Variants in PSG9 observed in about 807,000 individuals in gnomAD.
PSG9 encodes the protein pregnancy specific beta-1-glycoprotein 9.
A neutral mutation model predicts 41.9 loss-of-function variants in PSG9; 49 were observed. The observed-to-expected ratio is 1.17, with a 90% CI of 0.93 to 1.48. The LOEUF (loss-of-function observed/expected upper bound fraction) is 1.48. PSG9 is among the 40% of genes most tolerant of loss of function. The pLI is 0.00. For missense variants in PSG9, 641 were observed against 520.3 expected, an observed-to-expected ratio of 1.23 and a Z score of -2.26; for synonymous variants, 263 against 196.8, an observed-to-expected ratio of 1.34 and a Z score of -2.82.
At chr19:43,265,599 A>G (rs999590393) in intron 2 of PSG9, among the ~76,000 whole-genome samples, 36 of 152,074 alleles carry the variant, frequency 2.4e-4, no homozygotes, top group African/African-American at 8.5e-4. Flanking sequence ...CTAACCCCTG[A>G]TCCACTGGGG....
rs564190546 is a variant in PSG9, at chr19:43,257,466, C to T, written c.1243+736G>A. The T allele has an allele frequency of 2.0e-5, 20 of 977,082 alleles. 6 individuals are homozygous for T. The East Asian group carries it at 2.2e-3, about 107-fold the overall frequency. The allele number at this position is 977,082 out of a possible 1,614,324, so 60.5% of individuals were successfully genotyped here. A position where few individuals can be genotyped will look rare whatever the true frequency, so the allele number is the denominator to read the frequency against. ...CTCCAGCTCTGCATCAGTCACTGTC[C>T]TCCGTGCTGTGTCCCACGTGCTGTG... On this transcript the variant is annotated intron_variant, in intron 5 of 5. Transcript: ENST00000270077.
intron 2 of PSG9, among the ~76,000 whole-genome samples, chr19:43,264,871 T>A (rs1041602408): frequency 2.6e-5 from 4 of 152,142 alleles, no homozygotes; most frequent in Non-Finnish European, 5.9e-5. Context: ...CAGAAGTCTC[T>A]AGGAAGTGAC....
chr19:43,269,253 C>T, intron 1 of PSG9, 115 bp downstream of exon 1: 2 of 1,553,266 alleles, frequency 1.3e-6, no homozygotes, highest in South Asian at 1.1e-5. Flanking sequence ...ATCCACCCAC[C>T]TCAGCCTCCC....
At chr19:43,265,650 G>A (rs1237346370) in intron 2 of PSG9, among the ~76,000 whole-genome samples, 1 of 152,104 alleles carries the variant, frequency 6.6e-6, no homozygotes, top group Non-Finnish European at 1.5e-5. Flanking sequence ...CCTCCTGTTT[G>A]GCAGACTTGG....
At position 43,253,647 on chromosome 19, in the gene PSG9, C is replaced by G; in HGVS notation, c.1244-1G>C. 1 of 1,194,830 alleles carries G rather than the reference C, an allele frequency of 8.4e-7. No individual in the cohort carries two copies. The highest frequency in any genetic ancestry group is 1.2e-6 in the Non-Finnish European group (1 of 823,762). 74.0% of individuals were successfully genotyped at this position (1,194,830 alleles called of 1,614,324 possible). On this transcript the variant is annotated splice_acceptor_variant, in intron 5 of 5. Coordinates refer to ENST00000270077, the MANE Select transcript of PSG9 (RefSeq NM_002784.5). LOFTEE classifies it high-confidence loss of function. ...TCTGTCAGGTCTCCATGGCAGGGAC[C>G]TGATTGACAGAAGGCCCAGGTCAGT...
At chr19:43,255,586 T>A (rs1437884206) in intron 5 of PSG9, among the ~76,000 whole-genome samples, 1 of 146,832 alleles carries the variant, frequency 6.8e-6, no homozygotes. Flanking sequence ...TATAGATAAC[T>A]TGAACTTATA....
At chr19:43,258,565 C>G (rs1968550333) in intron 4 of PSG9, 109 bp from the exon 5 acceptor site, 8 of 1,426,878 alleles carry the variant, frequency 5.6e-6, no homozygotes, top group East Asian at 2.8e-5. Flanking sequence ...ACCCTCAAGT[C>G]CCAGCCAAAG....
chr19:43,266,782 C>T (rs1213302819), intron 2 of PSG9, among the ~76,000 whole-genome samples: 1 of 152,022 alleles, frequency 6.6e-6, no homozygotes, highest in Admixed American at 6.5e-5. Flanking sequence ...AGAGGATAGG[C>T]CTGTGGCTGC....
chr19:43,268,194 T>G (rs374808646), intron 1 of PSG9, 45 bp from the exon 2 acceptor site: 10 of 1,538,654 alleles, frequency 6.5e-6, no homozygotes, highest in South Asian at 1.3e-5. Context: ...ACCTATGTAT[T>G]GTGGTGAAAA....
intron 2 of PSG9, among the ~76,000 whole-genome samples, chr19:43,263,433 A>T (rs926108082): frequency 1.7e-4 from 26 of 152,108 alleles, no homozygotes; most frequent in South Asian, 4.1e-4. Flanking sequence ...GCCAGTGAGC[A>T]CTTCTTTTTA....
chr19:43,264,994 A>T (rs1968900440), intron 2 of PSG9, among the ~76,000 whole-genome samples: 1 of 152,108 alleles, frequency 6.6e-6, no homozygotes, highest in Non-Finnish European at 1.5e-5. Flanking sequence ...CACCCTGGTT[A>T]GTCAGGGCAG....
At chr19:43,262,614 G>A (rs968350336) in intron 2 of PSG9, among the ~76,000 whole-genome samples, 2 of 152,138 alleles carry the variant, frequency 1.3e-5, no homozygotes, top group African/African-American at 4.8e-5. Context: ...AACCCTTTGG[G>A]TATTGGAAAG....
intron 5 of PSG9, among the ~76,000 whole-genome samples, chr19:43,255,828 C>A (rs1189996600): frequency 6.8e-6 from 1 of 146,020 alleles, no homozygotes; most frequent in Non-Finnish European, 1.5e-5. Context: ...CTGAAATCTA[C>A]AAAATATTGC....
At chr19:43,264,007 G>C (rs1312542699) in intron 2 of PSG9, among the ~76,000 whole-genome samples, 1 of 152,106 alleles carries the variant, frequency 6.6e-6, no homozygotes, top group South Asian at 2.1e-4. Flanking sequence ...CTTAAGCTCA[G>C]GAAACACCAC....
chr19:43,259,934 A>G (rs1968630240), intron 3 of PSG9: 1 of 147,234 alleles, frequency 6.8e-6, no homozygotes. Context: ...CTTTCCAGAA[A>G]TACATGTGGA....
chr19:43,260,864 T>A (rs995702654), intron 3 of PSG9: 4 of 152,084 alleles, frequency 2.6e-5, no homozygotes, highest in African/African-American at 4.8e-5. Flanking sequence ...ATTGATATCA[T>A]CTTTAATTTC....
intron 2 of PSG9, among the ~76,000 whole-genome samples, chr19:43,262,457 G>C (rs955311057): frequency 1.3e-5 from 2 of 152,152 alleles, no homozygotes; most frequent in African/African-American, 4.8e-5. Flanking sequence ...TGCCTGACTG[G>C]CCCAACTTGT....
At chr19:43,255,972 G>A (rs2122499154) in intron 5 of PSG9, among the ~76,000 whole-genome samples, 1 of 146,634 alleles carries the variant, frequency 6.8e-6, no homozygotes, top group South Asian at 2.2e-4. Context: ...CAGATTCTCA[G>A]TGGCATTTTT....
Position 43,269,399 on chromosome 19 carries a change from C to T in PSG9, c.33G>A (p.Gln11=). 1 of 1,613,704 alleles carries T rather than the reference C, an allele frequency of 6.2e-7. No homozygotes were observed. Among genetic ancestry groups the T allele is most frequent in the South Asian group, 1.1e-5 (1 of 91,066 alleles). Residue 11 remains glutamine, a synonymous_variant, in exon 1 of 6, where the codon CAG becomes CAA. Coordinates refer to ENST00000270077, the MANE Select transcript of PSG9 (RefSeq NM_002784.5). Reference sequence around the variant, plus strand: ...GCAGGAGCCCCTTCCAGGTGATGCGCTGTGTGCAGGAAGGGGCTGGGAGGG... The same window carrying T: ...GCAGGAGCCCCTTCCAGGTGATGCGTTGTGTGCAGGAAGGGGCTGGGAGGG... MGPLPAPSCT[Q]RITWKGLLLT...
Sources: allele counts gnomAD v4.1 joint callset (sites outside exome capture counted in the v4.1 genomes callset), GRCh38; gene constraint gnomAD v4.1.1; transcripts MANE v1.5; gene names NCBI Gene and HGNC (gene_info 2026-07-23, HGNC 2026-07-21).